The following DLGAP2 variants were observed in gnomAD, a reference collection of about 807,000 sequenced individuals.
The protein encoded by DLGAP2 is DLG associated protein 2, also known as disks large-associated protein 2.
Under a neutral mutation model 100.3 loss-of-function variants are expected in DLGAP2, and 26 were observed. The observed-to-expected ratio is 0.26, with a 90% CI of 0.19 to 0.36. DLGAP2 has a LOEUF of 0.36. Ranked by LOEUF, DLGAP2 falls within the 10% of genes least tolerant of loss-of-function variation. The pLI is 1.00. For missense variants in DLGAP2, 1,858 were observed against 1,453.2 expected (o/e 1.28, Z -4.53); for synonymous variants, 886 against 630.1 (o/e 1.41, Z -6.08).
intron 2 of DLGAP2, among the ~76,000 whole-genome samples, chr8:1,073,190 A>G (rs1251295905): frequency 6.6e-6 from 1 of 152,202 alleles, no homozygotes; most frequent in Non-Finnish European, 1.5e-5. Flanking sequence ...TAGAAATGAC[A>G]CCAGCAAAAC....
intron 6 of DLGAP2, among the ~76,000 whole-genome samples, chr8:1,600,547 A>G (rs963333796): frequency 6.6e-6 from 1 of 152,010 alleles, no homozygotes; most frequent in Admixed American, 6.5e-5. Context: ...ATTGTCCCAT[A>G]TTTCTTGGAG....
chr8:821,764 A>G (rs948462243), intron 1 of DLGAP2, among the ~76,000 whole-genome samples: 15 of 152,202 alleles, frequency 9.9e-5, no homozygotes, highest in African/African-American at 3.6e-4. Context: ...TGGTTTTATT[A>G]TTTCTCTTTG....
chr8:798,006 T>C (rs975462531), intron 1 of DLGAP2, among the ~76,000 whole-genome samples: 1 of 152,202 alleles, frequency 6.6e-6, no homozygotes, highest in Non-Finnish European at 1.5e-5. Context: ...CACCTCGGCC[T>C]CCCAAAGTGC....
chr8:1,700,584 C>A (rs545317027), intron 14 of DLGAP2, among the ~76,000 whole-genome samples: 1 of 151,842 alleles, frequency 6.6e-6, no homozygotes, highest in Admixed American at 6.5e-5. Flanking sequence ...ATCTGAGAGT[C>A]TGAGCTAAGG....
At chr8:1,520,163 C>T (rs572714045) in intron 4 of DLGAP2, among the ~76,000 whole-genome samples, 41 of 152,254 alleles carry the variant, frequency 2.7e-4, no homozygotes, top group African/African-American at 7.5e-4. Context: ...GATTATCTGA[C>T]GAGATCAATG....
intron 6 of DLGAP2, among the ~76,000 whole-genome samples, chr8:1,625,686 C>T (rs139653938): frequency 2.0e-5 from 3 of 152,146 alleles, no homozygotes; most frequent in Non-Finnish European, 4.4e-5. Flanking sequence ...AATTCAGGAG[C>T]TGAGTTTGCT....
At chr8:1,442,430 G>T (rs1411406571) in intron 3 of DLGAP2, among the ~76,000 whole-genome samples, 16 of 145,206 alleles carry the variant, frequency 1.1e-4, no homozygotes, top group South Asian at 6.8e-4. Flanking sequence ...TGTGGGTTCA[G>T]CCACTGGAGG....
intron 3 of DLGAP2, among the ~76,000 whole-genome samples, chr8:1,449,879 G>GGTGGCT (rs1563156342): frequency 4.9e-5 from 5 of 102,602 alleles, no homozygotes; most frequent in African/African-American, 7.4e-5. Flanking sequence ...GGGCGGCCTC[G>GGTGGCT]GTGGCTGAGG....
intron 3 of DLGAP2, among the ~76,000 whole-genome samples, chr8:1,428,534 TAAGAA>T (rs1450252968): frequency 6.6e-6 from 1 of 151,914 alleles, no homozygotes; most frequent in Non-Finnish European, 1.5e-5. Flanking sequence ...AAGGACAGAA[TAAGAA>T]AAGAAAATTA....
intron 2 of DLGAP2, among the ~76,000 whole-genome samples, chr8:1,206,740 A>T (rs562836071): frequency 1.3e-5 from 2 of 152,204 alleles, no homozygotes; most frequent in African/African-American, 2.4e-5. Flanking sequence ...GTCCTGGAGA[A>T]CTGGTCTTCC....
At chr8:1,604,659 T>C (rs894291431) in intron 6 of DLGAP2, 1 of 152,244 alleles carries the variant, frequency 6.6e-6, no homozygotes, top group Non-Finnish European at 1.5e-5. Context: ...GAATCTACAT[T>C]ACATGCAAGC....
chr8:854,415 C>T (rs546647144), intron 1 of DLGAP2, among the ~76,000 whole-genome samples: 63 of 152,226 alleles, frequency 4.1e-4, no homozygotes, highest in Non-Finnish European at 7.1e-4. Context: ...CTGAGACCCT[C>T]ACAGGCTGGA....
chr8:897,174 C>T (rs1376035066), intron 1 of DLGAP2, among the ~76,000 whole-genome samples: 4 of 152,130 alleles, frequency 2.6e-5, no homozygotes, highest in Non-Finnish European at 5.9e-5. Flanking sequence ...GCTGGAATCT[C>T]GTGTAAAACA....
At chr8:1,380,713 C>G (rs1411272372) in intron 3 of DLGAP2, among the ~76,000 whole-genome samples, 1 of 152,086 alleles carries the variant, frequency 6.6e-6, no homozygotes, top group Non-Finnish European at 1.5e-5. Context: ...TTGAAAAATT[C>G]TTTAATTACA....
At chr8:1,370,091 C>T (rs1203298142) in intron 3 of DLGAP2, among the ~76,000 whole-genome samples, 1 of 152,202 alleles carries the variant, frequency 6.6e-6, no homozygotes, top group East Asian at 1.9e-4. Flanking sequence ...TGTCCCTAGG[C>T]AGCTTTTCTC....
intron 3 of DLGAP2, among the ~76,000 whole-genome samples, chr8:1,421,628 A>G (rs1009338859): frequency 6.6e-6 from 1 of 152,340 alleles, no homozygotes; most frequent in Non-Finnish European, 1.5e-5. Context: ...ATGAAAATAG[A>G]GATTAGTGAT....
chr8:1,536,551 C>T (rs534538175), intron 4 of DLGAP2, among the ~76,000 whole-genome samples: 24 of 152,244 alleles, frequency 1.6e-4, no homozygotes, highest in Middle Eastern at 6.8e-3. Context: ...TTGAGCCTGG[C>T]GTGATGGACT....
At chr8:1,272,071 C>T (rs1799595069) in intron 3 of DLGAP2, among the ~76,000 whole-genome samples, 1 of 152,178 alleles carries the variant, frequency 6.6e-6, no homozygotes, top group Admixed American at 6.5e-5. Flanking sequence ...CTGCCTCAGG[C>T]TCCCAAAATG....
chr8:903,861 G>A (rs1400864351), intron 1 of DLGAP2, among the ~76,000 whole-genome samples: 1 of 152,238 alleles, frequency 6.6e-6, no homozygotes, highest in Non-Finnish European at 1.5e-5. Flanking sequence ...AGCCGCAGCA[G>A]ACTGCCGCGT....
Sources: gnomAD v4.1 joint callset for allele counts (sites outside exome capture counted in the v4.1 genomes callset) on GRCh38, gnomAD v4.1.1 for gene constraint, MANE v1.5 for transcripts, NCBI Gene and HGNC (gene_info 2026-07-23, HGNC 2026-07-21) for gene names.